Variants in CHCHD6 observed in about 807,000 individuals in gnomAD.
The protein encoded by CHCHD6 is MICOS complex subunit MIC25.
Under a neutral mutation model 32.3 loss-of-function variants are expected in CHCHD6, and 28 were observed. That is an observed-to-expected ratio of 0.87 (90% CI 0.64 to 1.19). The LOEUF (loss-of-function observed/expected upper bound fraction) is 1.19, where lower values mean the gene tolerates loss of function less well. Ranked by LOEUF, CHCHD6 falls within the 50% of genes most tolerant of loss-of-function variation. The pLI is 0.00. For missense variants in CHCHD6, 333 were observed against 307.0 expected, an observed-to-expected ratio of 1.08 and a Z score of -0.63; for synonymous variants, 122 against 117.5, an observed-to-expected ratio of 1.04 and a Z score of -0.25.
rs528244850 is a variant in CHCHD6, at chr3:126,891,418, C to T, written c.496-23262C>T. 7.9e-5 allele frequency among the ~76,000 whole-genome samples: 12 copies of T among 152,182 alleles called. No individual in the cohort carries two copies. The South Asian group carries it at 2.5e-3, about 32-fold the overall frequency. On this transcript the variant is annotated intron_variant, in intron 5 of 7. Coordinates refer to ENST00000290913, the MANE Select transcript of CHCHD6 (RefSeq NM_032343.3). ...CAGGGCAGGGGGATGGCCGGTGCAC[C>T]AGGAGTCTAGTGGGAGTGGGAGATG...
At chr3:126,915,251 A>G (rs2078152484) in intron 6 of CHCHD6, among the ~76,000 whole-genome samples, 1 of 152,204 alleles carries the variant, frequency 6.6e-6, no homozygotes, top group African/African-American at 2.4e-5. Context: ...AGGCTCAGAG[A>G]GCTGCTGGCT....
chr3:126,706,183 T>TAG (rs1934479541), intron 1 of CHCHD6, among the ~76,000 whole-genome samples: 1 of 152,092 alleles, frequency 6.6e-6, no homozygotes, highest in Admixed American at 6.6e-5. Flanking sequence ...TTCAGGGGAG[T>TAG]GCCTTTGGGG....
chr3:126,732,078 C>CAAAAAAAA (rs57722271), intron 3 of CHCHD6, among the ~76,000 whole-genome samples: 7 of 75,852 alleles, frequency 9.2e-5, no homozygotes, highest in African/African-American at 1.0e-4. Context: ...GACCCAAAAC[C>CAAAAAAAA]AAAAAAAAAA....
At chr3:126,751,895 C>T (rs138172113) in intron 4 of CHCHD6, among the ~76,000 whole-genome samples, 35 of 152,366 alleles carry the variant, frequency 2.3e-4, no homozygotes, top group African/African-American at 7.9e-4. Flanking sequence ...TGTGCCTGTA[C>T]TGCCCTCTGA....
intron 5 of CHCHD6, among the ~76,000 whole-genome samples, chr3:126,872,293 C>G (rs183894291): frequency 6.6e-6 from 1 of 152,144 alleles, no homozygotes; most frequent in South Asian, 2.1e-4. Flanking sequence ...CCCAGCTTCT[C>G]GGGAGGCTGA....
intron 4 of CHCHD6, among the ~76,000 whole-genome samples, chr3:126,826,431 A>G (rs1310858505): frequency 6.6e-6 from 1 of 152,194 alleles, no homozygotes. Flanking sequence ...AGTAGCAAGT[A>G]TTCAGTAAGT....
chr3:126,915,797 G>A (rs1370854704), intron 6 of CHCHD6, among the ~76,000 whole-genome samples: 1 of 152,124 alleles, frequency 6.6e-6, no homozygotes, highest in Admixed American at 6.5e-5. Context: ...GCTGGTTTTG[G>A]GGTCTCTTTT....
At chr3:126,772,488 G>A (rs1290543409) in intron 4 of CHCHD6, among the ~76,000 whole-genome samples, 1 of 152,166 alleles carries the variant, frequency 6.6e-6, no homozygotes, top group Non-Finnish European at 1.5e-5. Context: ...CTTTACCATT[G>A]TGTAACGCCC....
At chr3:126,893,179 G>A (rs1277005677) in intron 5 of CHCHD6, among the ~76,000 whole-genome samples, 1 of 152,024 alleles carries the variant, frequency 6.6e-6, no homozygotes, top group East Asian at 1.9e-4. Context: ...AGCTGGTCTC[G>A]AACTCCTGGC....
intron 1 of CHCHD6, 48 bp from the exon 2 acceptor site, chr3:126,727,030 C>A: frequency 7.5e-7 from 1 of 1,339,572 alleles, no homozygotes; most frequent in Non-Finnish European, 1.1e-6. Flanking sequence ...TGCTTCCAGG[C>A]ACTTCTGTGA....
chr3:126,897,019 A>G (rs2107580878), intron 5 of CHCHD6, among the ~76,000 whole-genome samples: 1 of 152,328 alleles, frequency 6.6e-6, no homozygotes, highest in African/African-American at 2.4e-5. Context: ...GTGCATCAGC[A>G]TAGACTCTCC....
intron 1 of CHCHD6, among the ~76,000 whole-genome samples, chr3:126,722,047 T>C (rs1352329766): frequency 6.6e-6 from 1 of 152,228 alleles, no homozygotes; most frequent in Non-Finnish European, 1.5e-5. Flanking sequence ...ATAATGCTGA[T>C]GTGAACACAT....
chr3:126,852,481 T>G (rs1333067680), intron 4 of CHCHD6, among the ~76,000 whole-genome samples, 166 bp from the exon 5 acceptor site: 2 of 152,210 alleles, frequency 1.3e-5, no homozygotes, highest in African/African-American at 2.4e-5. Flanking sequence ...TTGTGAAAAT[T>G]AAGCACAATA....
At chr3:126,721,173 G>A (rs1935270890) in intron 1 of CHCHD6, among the ~76,000 whole-genome samples, 1 of 152,202 alleles carries the variant, frequency 6.6e-6, no homozygotes, top group African/African-American at 2.4e-5. Context: ...AGGCCGTGGT[G>A]ATGTTTCCTT....
chr3:126,842,673 A>G (rs1249499965), intron 4 of CHCHD6, among the ~76,000 whole-genome samples: 2 of 152,228 alleles, frequency 1.3e-5, no homozygotes, highest in African/African-American at 4.8e-5. Context: ...CAGCTGTATC[A>G]CACATTTTTT....
chr3:126,767,263 C>T, intron 4 of CHCHD6: 1 of 1,389,012 alleles, frequency 7.2e-7, no homozygotes, highest in Non-Finnish European at 1.0e-6. Flanking sequence ...TAGTGTCTGT[C>T]AGGTTGCCAA....
intron 4 of CHCHD6, among the ~76,000 whole-genome samples, chr3:126,819,575 G>A (rs1940064941): frequency 6.6e-6 from 1 of 152,206 alleles, no homozygotes; most frequent in South Asian, 2.1e-4. Flanking sequence ...AGGTATGGAA[G>A]CCAGCTGGCC....
intron 4 of CHCHD6, among the ~76,000 whole-genome samples, chr3:126,804,397 C>G (rs899838087): frequency 1.3e-5 from 2 of 152,112 alleles, no homozygotes; most frequent in Non-Finnish European, 2.9e-5. Context: ...ACCGATCCCA[C>G]AGAAATACAA....
chr3:126,760,861 TCTTGCC>T (rs1344898992), intron 4 of CHCHD6, among the ~76,000 whole-genome samples: 1 of 151,964 alleles, frequency 6.6e-6, no homozygotes, highest in Non-Finnish European at 1.5e-5. Flanking sequence ...TGGAGGCAGG[TCTTGCC>T]CTGTCACCCA....
Sources: allele counts gnomAD v4.1 joint callset (sites outside exome capture counted in the v4.1 genomes callset), GRCh38; gene constraint gnomAD v4.1.1; transcripts MANE v1.5; gene names NCBI Gene and HGNC (gene_info 2026-07-23, HGNC 2026-07-21).